The following ZFYVE28 variants were observed in gnomAD, a reference collection of about 807,000 sequenced individuals.
ZFYVE28 encodes the protein zinc finger FYVE-type containing 28, also known as lateral signaling target protein 2 homolog.
In ZFYVE28, 40 loss-of-function variants were observed where a neutral mutation model predicts 82.1. The observed-to-expected ratio is 0.49, with a 90% CI of 0.38 to 0.63. The LOEUF is 0.63. Among genes scored for constraint, ZFYVE28 ranks in the 30% least tolerant of loss-of-function variants. ZFYVE28 has a pLI of 0.00. For missense variants in ZFYVE28, 1,321 were observed against 1,242.1 expected (o/e 1.06, Z -0.96); for synonymous variants, 612 against 546.1 (o/e 1.12, Z -1.68).
chr4:2,304,515 T>C lies in ZFYVE28; in HGVS notation c.1825A>G (p.Arg609Gly), dbSNP rs1220307457. The stretch of plus-strand genomic sequence containing the variant: ...GAGGGTGGGGGCGCCTCCTCCTGTC[T>C]CTCAGGGGCCCTGTCGCTGGCCTTG... Reference protein sequence around the residue: ...LAKASDRAPERQEEAPPPSED... With the variant: ...LAKASDRAPEGQEEAPPPSED... The change falls in exon 8 of 13, where the codon AGA becomes GGA. Residue 609 changes from arginine to glycine, a missense_variant. Arg to Gly is a moderately radical substitution (Grantham distance 125, BLOSUM62 -2). Around this residue, in one of 2 missense-constraint regions of ZFYVE28, gnomAD observed 978 missense variants for 833.7 expected, o/e 1.17. Transcript: ENST00000290974. 6.2e-7 allele frequency: 1 copy of C among 1,612,314 alleles called. No homozygotes were observed. Among genetic ancestry groups the C allele is most frequent in the African/African-American group, 1.3e-5 (1 of 74,918 alleles).
intron 1 of ZFYVE28, among the ~76,000 whole-genome samples, chr4:2,370,203 A>C (rs3128809): frequency 6.6e-6 from 1 of 151,832 alleles, no homozygotes; most frequent in Non-Finnish European, 1.5e-5. Context: ...GCAGCCATAC[A>C]GAATGAAGAT....
intron 1 of ZFYVE28, among the ~76,000 whole-genome samples, chr4:2,398,265 C>A (rs971927065): frequency 6.6e-6 from 1 of 152,140 alleles, no homozygotes; most frequent in African/African-American, 2.4e-5. Flanking sequence ...CCATTGGTGA[C>A]CCGATGGGTG....
chr4:2,389,232 A>G (rs994115367), intron 1 of ZFYVE28, among the ~76,000 whole-genome samples: 1 of 152,106 alleles, frequency 6.6e-6, no homozygotes, highest in African/African-American at 2.4e-5. Context: ...TCCTGCCCAC[A>G]CAGCCAGGAG....
chr4:2,305,603 T>C (rs1430565174), intron 7 of ZFYVE28, 67 bp from the exon 8 acceptor site: 9 of 1,585,422 alleles, frequency 5.7e-6, no homozygotes, highest in African/African-American at 1.3e-5. Flanking sequence ...TGGCCAGGAG[T>C]GGACGCAGCA....
intron 1 of ZFYVE28, among the ~76,000 whole-genome samples, chr4:2,387,775 C>T (rs150203708): frequency 2.1e-3 from 316 of 152,338 alleles, no homozygotes; most frequent in African/African-American, 6.6e-3. Context: ...GCCATCATGA[C>T]GGGCTGTGGC....
At chr4:2,401,745 C>CG (rs1398458284) in intron 1 of ZFYVE28, among the ~76,000 whole-genome samples, 4 of 152,194 alleles carry the variant, frequency 2.6e-5, no homozygotes, top group African/African-American at 7.2e-5. Context: ...CTATGACCCC[C>CG]GGGGCTCAGG....
intron 6 of ZFYVE28, among the ~76,000 whole-genome samples, chr4:2,333,018 C>G (rs1425404422): frequency 6.6e-6 from 1 of 151,978 alleles, no homozygotes; most frequent in Admixed American, 6.6e-5. Context: ...TCCTTCAATC[C>G]AAGCCCCCTT....
At chr4:2,328,289 A>G (rs553349633) in intron 6 of ZFYVE28, among the ~76,000 whole-genome samples, 9 of 152,348 alleles carry the variant, frequency 5.9e-5, no homozygotes, top group African/African-American at 2.2e-4. Flanking sequence ...GCTAAGTGAA[A>G]TAAGTAAGGA....
chr4:2,278,100 A>T (rs1326459789), intron 8 of ZFYVE28, among the ~76,000 whole-genome samples: 1 of 152,230 alleles, frequency 6.6e-6, no homozygotes, highest in Non-Finnish European at 1.5e-5. Context: ...ATGCTGCCGG[A>T]AAACCGGAGA....
At position 2,346,950 on chromosome 4, in the gene ZFYVE28, C is replaced by A. The variant is rs1315923407; in HGVS notation, c.181-5335G>T. 3.3e-5 allele frequency among the ~76,000 whole-genome samples: 5 copies of A among 152,100 alleles called. 2 individuals are homozygous for A. Among genetic ancestry groups the A allele is most frequent in the Admixed American group, 3.3e-4 (5 of 15,286 alleles). On this transcript the variant is annotated intron_variant, in intron 2 of 12. Coordinates refer to ENST00000290974, the MANE Select transcript of ZFYVE28 (RefSeq NM_020972.3). ...CTAACTATATCAAAGACATATTAAA[C>A]AAAAATGATCTAAAAACCCCAAATA...
Position 2,341,309 on chromosome 4 carries a change from G to T in ZFYVE28, c.318+169C>A. 1.2e-6 allele frequency: 1 copy of T among 850,310 alleles called. No homozygotes were observed. 52.7% of individuals were successfully genotyped at this position (850,310 alleles called of 1,614,324 possible). On this transcript the variant is annotated intron_variant, in intron 3 of 12. Coordinates refer to ENST00000290974, the MANE Select transcript of ZFYVE28 (RefSeq NM_020972.3). The surrounding 1 kb of genome is among the most constrained non-coding windows in gnomAD (Gnocchi z 4.5). ...CATGGCTTTCCCAGATCCTCCAGGG[G>T]TGCACGGCCTACCAGGCTCAGACCA...
chr4:2,274,149 C>T lies in ZFYVE28; in HGVS notation c.2119G>A (p.Ala707Thr). 2 of 1,613,878 alleles carry T rather than the reference C, an allele frequency of 1.2e-6. No homozygotes were observed. Among genetic ancestry groups the T allele is most frequent in the Non-Finnish European group, 1.7e-6 (2 of 1,180,008 alleles). ...TTCTCTCTTGTGGCCTGTGGGGCAG[C>T]ATGCGTGGCTGCTGGGGCCGCCTCT... ...GPEAAPAATH[A>T]APQATREKIR... Residue 707 changes from alanine to threonine, a missense_variant, in exon 9 of 13, where the codon GCT becomes ACT. Physicochemically the swap from Ala to Thr is moderately conservative, Grantham distance 58. Coordinates refer to ENST00000290974, the MANE Select transcript of ZFYVE28 (RefSeq NM_020972.3).
At chr4:2,346,047 G>C (rs1206538425) in intron 2 of ZFYVE28, among the ~76,000 whole-genome samples, 3 of 151,956 alleles carry the variant, frequency 2.0e-5, no homozygotes, top group Non-Finnish European at 4.4e-5. Context: ...AGAAATTCTT[G>C]GCCAGGGGCG....
chr4:2,336,875 T>G (rs1578149213), intron 5 of ZFYVE28, among the ~76,000 whole-genome samples: 8 of 59,188 alleles, frequency 1.4e-4, no homozygotes, highest in Admixed American at 2.2e-4. Context: ...AGGGAGGAGG[T>G]GAAGAGTGAG....
In ZFYVE28 at chr4:2,416,735, C is replaced by A. The variant is rs113095170; in HGVS notation, c.39+1550G>T. On this transcript the variant is annotated intron_variant, in intron 1 of 12. Coordinates refer to ENST00000290974, the MANE Select transcript of ZFYVE28 (RefSeq NM_020972.3). This position sits in a 1 kb window ranked among gnomAD's most constrained non-coding sequence, Gnocchi z 4.6. The stretch of plus-strand genomic sequence containing the variant: ...AGGAAACGCAAGGCTCGGGACGAAC[C>A]CTTAAGAAGTCGCTGCTAGGGACAG... Among the ~76,000 whole-genome samples, 1 of 152,166 alleles carries A rather than the reference C, an allele frequency of 6.6e-6. No homozygotes were observed. Among genetic ancestry groups the A allele is most frequent in the East Asian group, 1.9e-4 (1 of 5,184 alleles).
chr4:2,281,570 C>A (rs369452855), intron 8 of ZFYVE28, among the ~76,000 whole-genome samples: 8 of 152,298 alleles, frequency 5.3e-5, no homozygotes, highest in African/African-American at 1.9e-4. Context: ...GCAGCAATAA[C>A]AAACCCACTC....
intron 6 of ZFYVE28, among the ~76,000 whole-genome samples, chr4:2,334,742 CCCCTTCCCCCT>C (rs1238192090): frequency 0.053 from 3,132 of 59,402 alleles, 327 homozygotes; most frequent in Non-Finnish European, 0.069. Context: ...CTGGACCCTC[CCCCTTCCCCCT>C]CCCCTTCCCC....
chr4:2,331,153 G>C (rs1216275932), intron 6 of ZFYVE28: 1 of 370,812 alleles, frequency 2.7e-6, no homozygotes, highest in African/African-American at 2.2e-5. Flanking sequence ...GGGCTGGGGA[G>C]GAAGGGAGGG....
At chr4:2,411,346 C>T (rs1468857085) in intron 1 of ZFYVE28, among the ~76,000 whole-genome samples, 1 of 152,218 alleles carries the variant, frequency 6.6e-6, no homozygotes, top group African/African-American at 2.4e-5. Flanking sequence ...TCCTATCCAA[C>T]TATTCTACAT....
Sources: allele counts gnomAD v4.1 joint callset (sites outside exome capture counted in the v4.1 genomes callset), GRCh38; gene constraint gnomAD v4.1.1; regional missense constraint gnomAD v4.1.1; non-coding constraint Gnocchi (gnomAD v3.1); transcripts MANE v1.5; gene names NCBI Gene and HGNC (gene_info 2026-07-23, HGNC 2026-07-21).